Variants in RTL4 observed in about 807,000 individuals in gnomAD.
RTL4 encodes the protein retrotransposon Gag-like protein 4.
A neutral mutation model predicts 5.3 loss-of-function variants in RTL4; 4 were observed. The observed-to-expected ratio is 0.75, with a 90% CI of 0.37 to 1.72. RTL4 has a LOEUF of 1.72. RTL4 is among the 40% of genes most tolerant of loss of function. RTL4 has a pLI of 0.04. For synonymous variants in RTL4, 98 were observed against 87.3 expected, an observed-to-expected ratio of 1.12 and a Z score of -0.68; for missense variants, 260 against 227.1, an observed-to-expected ratio of 1.14 and a Z score of -0.93.
At chrX:112,096,472 G>A in the RTL4 span, among the ~76,000 whole-genome samples, 1 of 111,316 alleles carries the variant, frequency 9.0e-6, no homozygotes, top group Non-Finnish European at 1.9e-5. Context: ...TCAGATCCAG[G>A]CACGTCAACA....
chrX:112,402,397 T>C, the RTL4 span, among the ~76,000 whole-genome samples: 1 of 85,415 alleles, frequency 1.2e-5, no homozygotes, highest in African/African-American at 4.7e-5. Context: ...TGCGGAATTA[T>C]TATTGTGTGT....
At chrX:112,121,323 T>G in the RTL4 span, among the ~76,000 whole-genome samples, 17,886 of 111,227 alleles carry the variant, frequency 0.16, 2,163 homozygotes, top group African/African-American at 0.42. Flanking sequence ...AATAATGGGC[T>G]TATAATACAG....
At chrX:112,356,825 G>C in the RTL4 span, among the ~76,000 whole-genome samples, 1 of 111,556 alleles carries the variant, frequency 9.0e-6, no homozygotes, top group Non-Finnish European at 1.9e-5. Flanking sequence ...CCATTTTATG[G>C]ATTGGTAAAC....
the RTL4 span, among the ~76,000 whole-genome samples, chrX:112,295,880 C>T: frequency 8.9e-6 from 1 of 112,189 alleles, no homozygotes; most frequent in Non-Finnish European, 1.9e-5. Flanking sequence ...AAAGATTGTA[C>T]CCAAATGTCT....
the RTL4 span, among the ~76,000 whole-genome samples, chrX:112,258,770 G>A: frequency 6.3e-5 from 7 of 111,092 alleles, no homozygotes; most frequent in African/African-American, 2.3e-4. Context: ...TGCTTAGAAA[G>A]GCCTTCTTCA....
downstream of RTL4, among the ~76,000 whole-genome samples, chrX:112,457,363 A>G (rs759331167): frequency 2.3e-4 from 26 of 112,180 alleles, no homozygotes; most frequent in African/African-American, 7.4e-4. Context: ...CTGAGTTAAC[A>G]TATTCCAGTT....
At chrX:112,455,534 C>T in exon 1 of RTL4, 1 of 1,211,454 alleles carries the variant, frequency 8.3e-7, no homozygotes, top group Non-Finnish European at 1.1e-6. Flanking sequence ...CTCACCCCAG[C>T]CAAACGAGCC....
chrX:112,344,578 G>A, the RTL4 span, among the ~76,000 whole-genome samples: 27 of 111,648 alleles, frequency 2.4e-4, no homozygotes, highest in African/African-American at 8.8e-4. Context: ...CAGCAAGGGG[G>A]AAGTCTGCCC....
At chrX:112,372,790 C>G in the RTL4 span, among the ~76,000 whole-genome samples, 1 of 111,808 alleles carries the variant, frequency 8.9e-6, no homozygotes, top group African/African-American at 3.2e-5. Flanking sequence ...TTAGTTCTCC[C>G]AAATTGAGTG....
chrX:112,227,338 C>A, the RTL4 span, among the ~76,000 whole-genome samples: 2 of 111,818 alleles, frequency 1.8e-5, no homozygotes, highest in South Asian at 7.4e-4. Flanking sequence ...TATCAAAACT[C>A]GCTTTTCATG....
the RTL4 span, among the ~76,000 whole-genome samples, chrX:112,401,459 T>C: frequency 8.9e-6 from 1 of 111,861 alleles, no homozygotes; most frequent in East Asian, 2.8e-4. Flanking sequence ...TGGTGTGTTG[T>C]ATTGCAAAGT....
At chrX:112,222,726 G>T in the RTL4 span, among the ~76,000 whole-genome samples, 9,231 of 110,276 alleles carry the variant, frequency 0.084, 939 homozygotes, top group African/African-American at 0.29. Context: ...GAGCAAGACC[G>T]TGACTTAAGA....
chrX:112,256,568 C>A, the RTL4 span, among the ~76,000 whole-genome samples: 1 of 111,566 alleles, frequency 9.0e-6, no homozygotes, highest in African/African-American at 3.2e-5. Flanking sequence ...ACATTTTGTT[C>A]GAATTGTATT....
chrX:112,361,676 T>C, the RTL4 span, among the ~76,000 whole-genome samples: 1 of 110,771 alleles, frequency 9.0e-6, no homozygotes, highest in African/African-American at 3.3e-5. Flanking sequence ...GTCTGGACAA[T>C]CTCATGGAAT....
At chrX:112,385,347 C>T in the RTL4 span, among the ~76,000 whole-genome samples, 1 of 109,158 alleles carries the variant, frequency 9.2e-6, no homozygotes, top group Non-Finnish European at 1.9e-5. Flanking sequence ...GTCTGTGATT[C>T]ATTTGAAATT....
the RTL4 span, among the ~76,000 whole-genome samples, chrX:112,115,909 G>A: frequency 8.9e-6 from 1 of 112,337 alleles, no homozygotes; most frequent in Admixed American, 9.4e-5. Context: ...GCTTGGGCGA[G>A]TGACTTTGAG....
At chrX:112,354,921 C>T in the RTL4 span, among the ~76,000 whole-genome samples, 1 of 111,384 alleles carries the variant, frequency 9.0e-6, no homozygotes, top group East Asian at 2.8e-4. Context: ...GCAATAACTA[C>T]TACTACTACC....
chrX:112,284,031 C>A, the RTL4 span, among the ~76,000 whole-genome samples: 1 of 108,442 alleles, frequency 9.2e-6, no homozygotes, highest in African/African-American at 3.3e-5. Context: ...TTTCAAAACC[C>A]TAGAGGTTAA....
At chrX:112,272,072 T>C in the RTL4 span, among the ~76,000 whole-genome samples, 1 of 112,102 alleles carries the variant, frequency 8.9e-6, no homozygotes, top group Non-Finnish European at 1.9e-5. Context: ...ATTTCGAATG[T>C]ACAATACTGT....
Sources: allele counts gnomAD v4.1 joint callset (sites outside exome capture counted in the v4.1 genomes callset), GRCh38; gene constraint gnomAD v4.1.1; transcripts MANE v1.5; gene names NCBI Gene and HGNC (gene_info 2026-07-23, HGNC 2026-07-21).